CDKL5: variants seen among roughly 807,000 people sequenced by gnomAD.
CDKL5 encodes cyclin-dependent kinase-like 5.
In CDKL5, 8 loss-of-function variants were observed where a neutral mutation model predicts 61.7. The observed-to-expected ratio is 0.13, with a 90% CI of 0.08 to 0.23. The LOEUF is 0.23. Ranked by LOEUF, CDKL5 falls within the 10% of genes least tolerant of loss-of-function variation. The pLI is 1.00. For synonymous variants in CDKL5, 275 were observed against 272.3 expected, an observed-to-expected ratio of 1.01 and a Z score of -0.10; for missense variants, 440 against 734.5, an observed-to-expected ratio of 0.60 and a Z score of 4.63.
chrX:18,651,264 T>TGTGAGAGAGA (rs1491242962), intron 21 of CDKL5, among the ~76,000 whole-genome samples: 6 of 69,014 alleles, frequency 8.7e-5, no homozygotes, highest in African/African-American at 3.8e-4. Flanking sequence ...TGTGTGTGTG[T>TGTGAGAGAGA]GAGAGAGAGA....
chrX:18,499,402 C>T (rs868176917), intron 1 of CDKL5, among the ~76,000 whole-genome samples: 5 of 101,805 alleles, frequency 4.9e-5, no homozygotes, highest in South Asian at 4.8e-4. Flanking sequence ...GCTCTGTCGC[C>T]GAGGCTAGAG....
chrX:18,451,074 G>A (rs189832640), intron 1 of CDKL5, among the ~76,000 whole-genome samples: 16 of 111,912 alleles, frequency 1.4e-4, no homozygotes, highest in African/African-American at 4.9e-4. Context: ...GGATGTAGAA[G>A]AATGCTAACC....
rs916065480 is a variant in CDKL5 at position 18,634,110 on chromosome X, C to T, written c.*5353C>T. 4.0e-6 allele frequency: 3 copies of T among 751,937 alleles called. No individual in the cohort carries two copies. The highest frequency in any genetic ancestry group is 8.9e-5 in the Admixed American group (1 of 11,287). 62.0% of individuals were successfully genotyped at this position (751,937 alleles called of 1,213,427 possible). Reference sequence around the variant, plus strand: ...TTTGATCCTTGGTTCCTATTTCGATCCTCCTTTGGAATCTGAAAATCGGTC... The same window carrying T: ...TTTGATCCTTGGTTCCTATTTCGATTCTCCTTTGGAATCTGAAAATCGGTC... On this transcript the variant is annotated 3_prime_UTR_variant, in exon 18 of 18. Transcript: ENST00000623535.
At chrX:18,450,842 T>C (rs1379179975) in intron 1 of CDKL5, among the ~76,000 whole-genome samples, 1 of 110,919 alleles carries the variant, frequency 9.0e-6, no homozygotes, top group African/African-American at 3.3e-5. Context: ...CCCAAAGTGC[T>C]GGGATTACAG....
chrX:18,471,300 T>G (rs1921087244), intron 1 of CDKL5, among the ~76,000 whole-genome samples: 1 of 112,149 alleles, frequency 8.9e-6, no homozygotes, highest in Admixed American at 9.5e-5. Context: ...ATTCATTACC[T>G]CAAGCATTTA....
At chrX:18,461,594 C>T (rs991781204) in intron 1 of CDKL5, among the ~76,000 whole-genome samples, 1 of 112,229 alleles carries the variant, frequency 8.9e-6, no homozygotes, top group African/African-American at 3.2e-5. Context: ...AGTACTGCTT[C>T]CTGTTGCTTA....
intron 2 of CDKL5, among the ~76,000 whole-genome samples, chrX:18,509,277 T>G (rs1166785230): frequency 9.4e-6 from 1 of 106,913 alleles, no homozygotes; most frequent in East Asian, 3.0e-4. Flanking sequence ...ATTCTTGTAG[T>G]TTAGACAGTG....
At chrX:18,571,183 C>A (rs967993866) in intron 4 of CDKL5, among the ~76,000 whole-genome samples, 2 of 111,046 alleles carry the variant, frequency 1.8e-5, no homozygotes, top group African/African-American at 6.6e-5. Context: ...AAATGCTGAC[C>A]CAGGATCTTT....
intron 1 of CDKL5, among the ~76,000 whole-genome samples, chrX:18,471,512 A>ACC (rs1921095129): frequency 9.1e-6 from 1 of 110,366 alleles, no homozygotes; most frequent in Non-Finnish European, 1.9e-5. Context: ...GGCTGGGACT[A>ACC]CAGGCTTGCA....
At chrX:18,606,175 C>T (rs1303231097) in intron 12 of CDKL5, among the ~76,000 whole-genome samples, 2 of 64,664 alleles carry the variant, frequency 3.1e-5, no homozygotes, top group Non-Finnish European at 4.9e-5. Context: ...GCAAGACTGT[C>T]ACACACACAC....
In CDKL5 at chrX:18,506,947, T is replaced by C; in HGVS notation, c.-150T>C. ...TTGTTTTTTTCAGGGAGTCATTTAA[T>C]ACTTCATGATTAGAACAAATATGTG... On this transcript the variant is annotated 5_prime_UTR_variant, in exon 2 of 18. Coordinates refer to ENST00000623535, the MANE Select transcript of CDKL5 (RefSeq NM_001323289.2). 4.2e-6 allele frequency: 2 copies of C among 474,774 alleles called. No homozygotes were observed. The highest frequency in any genetic ancestry group is 7.5e-6 in the Non-Finnish European group (2 of 266,924). The allele number at this position is 474,774 out of a possible 1,213,427, so 39.1% of individuals were successfully genotyped here.
At chrX:18,475,470 A>T (rs1289674824) in intron 1 of CDKL5, among the ~76,000 whole-genome samples, 2 of 104,194 alleles carry the variant, frequency 1.9e-5, no homozygotes, top group Non-Finnish European at 3.9e-5. Flanking sequence ...ATTTTTAAAA[A>T]TTTTTCTGTA....
chrX:18,527,620 T>TC (rs1365397728), intron 3 of CDKL5, among the ~76,000 whole-genome samples: 1 of 111,857 alleles, frequency 8.9e-6, no homozygotes, highest in Non-Finnish European at 1.9e-5. Context: ...TGTTTTTTTT[T>TC]CTCTTGGTTA....
chrX:18,590,689 A>G (rs1925798879), intron 9 of CDKL5, among the ~76,000 whole-genome samples: 2 of 111,944 alleles, frequency 1.8e-5, no homozygotes, highest in Admixed American at 9.5e-5. Flanking sequence ...AGCTATGACC[A>G]GTAATTGGGG....
At chrX:18,531,180 C>G (rs1923630179) in intron 3 of CDKL5, among the ~76,000 whole-genome samples, 1 of 112,318 alleles carries the variant, frequency 8.9e-6, no homozygotes, top group African/African-American at 3.2e-5. Flanking sequence ...GATTTCCTTT[C>G]TCCCTGGACA....
chrX:18,616,826 G>T (rs939985596), intron 15 of CDKL5, among the ~76,000 whole-genome samples: 1 of 110,641 alleles, frequency 9.0e-6, no homozygotes. Context: ...TTATCACATC[G>T]CCAGGGGAGG....
At position 18,490,823 on chromosome X, in the gene CDKL5, G is replaced by A. The variant is rs1921971222; in HGVS notation, c.-162-16112G>A. 2.7e-5 allele frequency among the ~76,000 whole-genome samples: 3 copies of A among 111,858 alleles called. No homozygotes were observed. In the Admixed American group the frequency reaches 2.9e-4, roughly 11 times the overall value. On this transcript the variant is annotated intron_variant, in intron 1 of 17. Transcript: ENST00000623535. ...TGAAGTTAGCAGCACAAACAATTGAGGAAGTGCAAAGATTTTCGCTTGATT... is the reference window on the plus strand; with the variant it reads ...TGAAGTTAGCAGCACAAACAATTGAAGAAGTGCAAAGATTTTCGCTTGATT...
At chrX:18,466,227 A>T (rs1920959872) in intron 1 of CDKL5, among the ~76,000 whole-genome samples, 1 of 111,864 alleles carries the variant, frequency 8.9e-6, no homozygotes, top group South Asian at 3.7e-4. Flanking sequence ...AATGAAAGAT[A>T]AAAACTACAC....
chrX:18,470,367 A>G (rs1921045836), intron 1 of CDKL5, among the ~76,000 whole-genome samples: 2 of 105,051 alleles, frequency 1.9e-5, no homozygotes, highest in South Asian at 8.5e-4. Flanking sequence ...AAAAAAAAAA[A>G]AAGAAGAAAA....
Sources: gnomAD v4.1 joint callset for allele counts (sites outside exome capture counted in the v4.1 genomes callset) on GRCh38, gnomAD v4.1.1 for gene constraint, MANE v1.5 for transcripts, NCBI Gene and HGNC (gene_info 2026-07-23, HGNC 2026-07-21) for gene names.